METAP1: variants seen among roughly 807,000 people sequenced by gnomAD.
The protein encoded by METAP1 is methionyl aminopeptidase 1.
In METAP1, 28 loss-of-function variants were observed where a neutral mutation model predicts 53.8. The observed-to-expected ratio is 0.52, with a 90% CI of 0.39 to 0.71. The LOEUF (loss-of-function observed/expected upper bound fraction) is 0.71, where lower values mean the gene tolerates loss of function less well. METAP1 is among the 30% of genes least tolerant of loss of function. METAP1 has a pLI of 0.00. For missense variants in METAP1, 389 were observed against 479.8 expected (o/e 0.81, Z 1.77); for synonymous variants, 181 against 165.7 (o/e 1.09, Z -0.71).
intron 2 of METAP1, among the ~76,000 whole-genome samples, chr4:99,029,959 C>T (rs1052857570): frequency 1.3e-4 from 20 of 152,112 alleles, no homozygotes; most frequent in African/African-American, 4.8e-4. Flanking sequence ...AATGATGTGA[C>T]TCAGTGTAAG....
chr4:99,045,344 C>G (rs1726144357), intron 8 of METAP1, 34 bp downstream of exon 8: 1 of 1,608,620 alleles, frequency 6.2e-7, no homozygotes, highest in Admixed American at 1.7e-5. Flanking sequence ...ATTGGCAGTC[C>G]TGTGTGTTGA....
intron 1 of METAP1, among the ~76,000 whole-genome samples, chr4:99,005,438 C>T (rs1248311275): frequency 6.6e-6 from 1 of 152,172 alleles, no homozygotes; most frequent in Non-Finnish European, 1.5e-5. Flanking sequence ...GAGATACCAC[C>T]TTACTCCAGC....
intron 9 of METAP1, among the ~76,000 whole-genome samples, chr4:99,054,807 G>C (rs899631407): frequency 7.2e-5 from 11 of 152,056 alleles, no homozygotes; most frequent in African/African-American, 2.6e-4. Context: ...AGGAGAGGGA[G>C]AGAGAAGTGG....
At chr4:99,041,290 C>G (rs534949013) in intron 6 of METAP1, among the ~76,000 whole-genome samples, 164 bp downstream of exon 6, 21 of 152,106 alleles carry the variant, frequency 1.4e-4, no homozygotes, top group Non-Finnish European at 3.1e-4. Flanking sequence ...ATTCAACAGT[C>G]ATTATTCTCA....
intron 1 of METAP1, among the ~76,000 whole-genome samples, chr4:99,007,902 C>A (rs1285363348): frequency 6.6e-6 from 1 of 152,180 alleles, no homozygotes; most frequent in African/African-American, 2.4e-5. Flanking sequence ...TTCTAAGCAG[C>A]CCTGGTTTCT....
At chr4:99,035,377 G>C in intron 3 of METAP1, 23 bp from the exon 4 acceptor site, 1 of 1,525,698 alleles carries the variant, frequency 6.6e-7, no homozygotes, top group Non-Finnish European at 8.9e-7. Flanking sequence ...TGGTAAATCA[G>C]TTTTAACTAA....
chr4:99,040,868 A>G (rs1331942076), intron 5 of METAP1, among the ~76,000 whole-genome samples, 175 bp from the exon 6 acceptor site: 1 of 151,216 alleles, frequency 6.6e-6, no homozygotes, highest in Non-Finnish European at 1.5e-5. Flanking sequence ...ATTTTTATAT[A>G]AAATTAATGT....
At chr4:99,031,576 T>G (rs1434714125) in intron 2 of METAP1, 1 of 1,287,950 alleles carries the variant, frequency 7.8e-7, no homozygotes, top group Admixed American at 2.3e-5. Context: ...ATTCTAAGTC[T>G]CACCTCCAAG....
At chr4:99,054,232 A>ATCT (rs1330303997) in intron 9 of METAP1, among the ~76,000 whole-genome samples, 2 of 152,286 alleles carry the variant, frequency 1.3e-5, no homozygotes, top group East Asian at 3.9e-4. Flanking sequence ...TTCATCAATT[A>ATCT]TCTTAGCTAT....
At chr4:99,020,349 A>T (rs1008559021) in intron 1 of METAP1, among the ~76,000 whole-genome samples, 1 of 152,150 alleles carries the variant, frequency 6.6e-6, no homozygotes, top group Non-Finnish European at 1.5e-5. Context: ...TGGCACCTCC[A>T]TTAGAGGGAA....
At chr4:99,056,153 AT>A (rs1317473156) in intron 9 of METAP1, among the ~76,000 whole-genome samples, 1 of 152,200 alleles carries the variant, frequency 6.6e-6, no homozygotes, top group East Asian at 1.9e-4. Context: ...GGGCGGGCAA[AT>A]TTGCCATTCA....
intron 1 of METAP1, among the ~76,000 whole-genome samples, chr4:99,027,460 C>T (rs1195111617): frequency 6.6e-6 from 1 of 151,986 alleles, no homozygotes; most frequent in Non-Finnish European, 1.5e-5. Context: ...GTGAAAAGTC[C>T]TTCCAGGTGT....
chr4:99,025,333 T>C, intron 1 of METAP1: 2 of 970,698 alleles, frequency 2.1e-6, no homozygotes, highest in Non-Finnish European at 2.4e-6. Context: ...TCTCTTTCAC[T>C]GTTTGAGTTA....
chr4:99,050,805 C>A (rs1186472268), intron 9 of METAP1, among the ~76,000 whole-genome samples: 3 of 152,100 alleles, frequency 2.0e-5, no homozygotes, highest in Non-Finnish European at 4.4e-5. Flanking sequence ...CCTGAATCAT[C>A]CCCCCAAGGC....
At chr4:99,000,605 C>A (rs1461239998) in intron 1 of METAP1, among the ~76,000 whole-genome samples, 1 of 147,442 alleles carries the variant, frequency 6.8e-6, no homozygotes, top group African/African-American at 2.5e-5. Flanking sequence ...ATAATAGGTT[C>A]TTTAAAAGAA....
At chr4:99,007,392 C>T (rs890341272) in intron 1 of METAP1, among the ~76,000 whole-genome samples, 3 of 152,166 alleles carry the variant, frequency 2.0e-5, no homozygotes, top group Non-Finnish European at 4.4e-5. Flanking sequence ...TTTAACCTCA[C>T]AATTGGCATT....
At chr4:99,014,867 A>T (rs867319829) in intron 1 of METAP1, among the ~76,000 whole-genome samples, 81 of 152,284 alleles carry the variant, frequency 5.3e-4, no homozygotes, top group Non-Finnish European at 1.1e-3. Flanking sequence ...ATCCTGTGAA[A>T]TTTCCAAGGA....
chr4:99,002,862 A>G (rs889165775), intron 1 of METAP1, among the ~76,000 whole-genome samples: 1 of 152,016 alleles, frequency 6.6e-6, no homozygotes, highest in African/African-American at 2.4e-5. Flanking sequence ...ATATCTTGCT[A>G]CGAGATCAGC....
intron 2 of METAP1, 90 bp downstream of exon 2, chr4:99,029,008 A>G (rs1724793521): frequency 1.2e-6 from 1 of 860,012 alleles, no homozygotes; most frequent in South Asian, 1.8e-5. Flanking sequence ...GAAAGTGTAT[A>G]TTTGAATGTT....
Sources: gnomAD v4.1 joint callset for allele counts (sites outside exome capture counted in the v4.1 genomes callset) on GRCh38, gnomAD v4.1.1 for gene constraint, MANE v1.5 for transcripts, NCBI Gene and HGNC (gene_info 2026-07-23, HGNC 2026-07-21) for gene names.